NINJ2: variants seen among roughly 807,000 people sequenced by gnomAD.
The protein encoded by NINJ2 is ninjurin 2, also known as ninjurin-2.
A neutral mutation model predicts 11.7 loss-of-function variants in NINJ2; 12 were observed. The ratio of observed to expected loss-of-function variants is 1.02; its 90% confidence interval spans 0.66 to 1.66. The LOEUF (loss-of-function observed/expected upper bound fraction) is 1.66, where lower values mean the gene tolerates loss of function less well. Ranked by LOEUF, NINJ2 falls within the 40% of genes most tolerant of loss-of-function variation. NINJ2 has a pLI of 0.00. For synonymous variants in NINJ2, 93 were observed against 76.8 expected (o/e 1.21, Z -1.10); for missense variants, 187 against 181.8 (o/e 1.03, Z -0.16).
rs192035930 is a variant in NINJ2 at position 573,057 on chromosome 12, G to C, written c.34-6879C>G. 1.7e-3 allele frequency among the ~76,000 whole-genome samples: 177 copies of C among 106,056 alleles called. No homozygotes were observed. In the East Asian group the frequency reaches 0.045, roughly 27 times the overall value. The allele number at this position is 106,056 out of a possible 152,430, so 69.6% of individuals were successfully genotyped here. On this transcript the variant is annotated intron_variant, in intron 1 of 3. Coordinates refer to ENST00000305108, the MANE Select transcript of NINJ2 (RefSeq NM_016533.6). Reference sequence around the variant, plus strand: ...TTTTTTTTTTTTGAGACAGAGTCTCGCTCTGTCGCCTAGGCTGGAGTGCAG... The same window carrying C: ...TTTTTTTTTTTTGAGACAGAGTCTCCCTCTGTCGCCTAGGCTGGAGTGCAG...
intron 1 of NINJ2, among the ~76,000 whole-genome samples, chr12:646,849 C>A (rs1937691373): frequency 6.6e-6 from 1 of 152,162 alleles, no homozygotes; most frequent in African/African-American, 2.4e-5. Flanking sequence ...GTAAACAAAC[C>A]TGCTTCCCTG....
At chr12:606,149 G>T (rs952912424) in intron 1 of NINJ2, among the ~76,000 whole-genome samples, 14 of 152,134 alleles carry the variant, frequency 9.2e-5, no homozygotes, top group African/African-American at 3.4e-4. Context: ...TGGGATTACA[G>T]GCATGAGCCA....
chr12:636,000 C>T (rs1565643932), intron 1 of NINJ2, among the ~76,000 whole-genome samples: 1 of 152,158 alleles, frequency 6.6e-6, no homozygotes, highest in South Asian at 2.1e-4. Context: ...TCGCTTGAGC[C>T]TGGGACGCAG....
intron 1 of NINJ2, among the ~76,000 whole-genome samples, chr12:603,770 C>T (rs1442992449): frequency 6.6e-6 from 1 of 152,088 alleles, no homozygotes; most frequent in Non-Finnish European, 1.5e-5. Context: ...AAGTGATCCT[C>T]CTGCCTCAAC....
intron 1 of NINJ2, among the ~76,000 whole-genome samples, chr12:569,753 T>C (rs969236082): frequency 3.9e-5 from 6 of 152,236 alleles, no homozygotes; most frequent in African/African-American, 1.4e-4. Context: ...TGGTTGGCTT[T>C]TGTTGTTACA....
At chr12:573,908 T>A (rs1342012714) in intron 1 of NINJ2, among the ~76,000 whole-genome samples, 1 of 152,174 alleles carries the variant, frequency 6.6e-6, no homozygotes, top group African/African-American at 2.4e-5. Context: ...CTGTACCTTT[T>A]GAATTTTGAA....
intron 2 of NINJ2, 88 bp from the exon 3 acceptor site, chr12:565,489 A>G (rs1947283318): frequency 7.3e-7 from 1 of 1,373,676 alleles, no homozygotes; most frequent in Non-Finnish European, 1.0e-6. Flanking sequence ...GTTTGGAGAG[A>G]GGGGCCCTTC....
At chr12:596,979 A>C (rs531454886) in intron 1 of NINJ2, among the ~76,000 whole-genome samples, 1 of 152,152 alleles carries the variant, frequency 6.6e-6, no homozygotes, top group Admixed American at 6.6e-5. Context: ...AATAAACATA[A>C]AAAAGTTAAG....
intron 1 of NINJ2, among the ~76,000 whole-genome samples, chr12:611,830 G>A (rs1009628791): frequency 6.6e-6 from 1 of 152,210 alleles, no homozygotes; most frequent in Non-Finnish European, 1.5e-5. Context: ...TCCAGGAAGC[G>A]AGGCCATTAT....
chr12:566,069 A>G lies in NINJ2; in HGVS notation c.143T>C (p.Met48Thr), dbSNP rs1034396277. ...LDVALFMSNAMRLKAVLEQGP... is the reference protein window; with the variant it reads ...LDVALFMSNATRLKAVLEQGP... The stretch of plus-strand genomic sequence containing the variant: ...CTGCTCCAGCACCGCCTTCAGCCGC[A>G]TGGCGTTGGACATGAACAGGGCCAC... The change falls in exon 2 of 4, where the codon ATG becomes ACG. Residue 48 changes from methionine to threonine, a missense_variant. Coordinates refer to ENST00000305108, the MANE Select transcript of NINJ2 (RefSeq NM_016533.6). 4.3e-6 allele frequency: 7 copies of G among 1,614,038 alleles called. No individual in the cohort carries two copies. The Admixed American group carries it at 8.3e-5, about 19-fold the overall frequency.
chr12:587,403 T>C (rs1471402152), intron 1 of NINJ2, among the ~76,000 whole-genome samples: 2 of 152,248 alleles, frequency 1.3e-5, no homozygotes, highest in African/African-American at 2.4e-5. Context: ...TCCACTTTTA[T>C]TGTGCAGGAC....
At chr12:588,810 G>T (rs1947678708) in intron 1 of NINJ2, among the ~76,000 whole-genome samples, 2 of 152,204 alleles carry the variant, frequency 1.3e-5, no homozygotes, top group Non-Finnish European at 2.9e-5. Flanking sequence ...TCACAAATCT[G>T]TGTAATAGAT....
At chr12:634,055 C>G (rs1948314278) in intron 1 of NINJ2, among the ~76,000 whole-genome samples, 1 of 151,996 alleles carries the variant, frequency 6.6e-6, no homozygotes, top group South Asian at 2.1e-4. Context: ...ATTTATTCTT[C>G]TTTAACAAAA....
At position 612,911 on chromosome 12, in the gene NINJ2, C is replaced by T. The variant is rs116790404; in HGVS notation, c.34-46733G>A. 1.0e-3 allele frequency among the ~76,000 whole-genome samples: 154 copies of T among 152,314 alleles called. 2 individuals carry two copies. The highest frequency in any genetic ancestry group is 3.6e-3 in the African/African-American group (151 of 41,570). On this transcript the variant is annotated intron_variant, in intron 1 of 3. Coordinates refer to ENST00000305108, the MANE Select transcript of NINJ2 (RefSeq NM_016533.6). ...GAACTAGGTAGATAGACAGATTGAT[C>T]GCCTGATCGGCTGATTGGTGAATCA...
chr12:583,974 G>A (rs1032249157), intron 1 of NINJ2, among the ~76,000 whole-genome samples: 8 of 152,034 alleles, frequency 5.3e-5, no homozygotes, highest in African/African-American at 1.4e-4. Context: ...ATTAAGCATC[G>A]TCTTGAGGCG....
In NINJ2 at chr12:565,953, T is replaced by G; in HGVS notation, c.259A>C (p.Ile87Leu). ...QVVIGVLLVV[I>L]ARLNLNEVEK... Reference sequence around the variant, plus strand: ...GACTGCAGGCTGGGCTCCTCACCAATGACCACGAGCAGGACACCGATGACC... The same window carrying G: ...GACTGCAGGCTGGGCTCCTCACCAAGGACCACGAGCAGGACACCGATGACC... Residue 87 changes from isoleucine to leucine, a missense_variant, in exon 2 of 4, where the codon ATT becomes CTT. Physicochemically the swap from Ile to Leu is conservative, Grantham distance 5. Transcript: ENST00000305108. 6.2e-7 allele frequency: 1 copy of G among 1,614,076 alleles called. No homozygotes were observed. The highest frequency in any genetic ancestry group is 8.5e-7 in the Non-Finnish European group (1 of 1,179,920).
chr12:630,718 A>G (rs1277708425), intron 1 of NINJ2, among the ~76,000 whole-genome samples: 1 of 152,192 alleles, frequency 6.6e-6, no homozygotes, highest in Non-Finnish European at 1.5e-5. Flanking sequence ...ATCCCCAAAG[A>G]GGGCCAGCCT....
At chr12:662,876 G>A (rs554292844) in intron 1 of NINJ2, among the ~76,000 whole-genome samples, 80 of 152,310 alleles carry the variant, frequency 5.3e-4, no homozygotes, top group Non-Finnish European at 1.0e-3. Flanking sequence ...AGACAGCCGA[G>A]AAACGGCTCA....
At chr12:587,294 C>G (rs1025870619) in intron 1 of NINJ2, among the ~76,000 whole-genome samples, 10 of 152,330 alleles carry the variant, frequency 6.6e-5, no homozygotes, top group African/African-American at 2.4e-4. Context: ...GAAGCAGGCC[C>G]AGGAACCCCT....
Sources: gnomAD v4.1 joint callset for allele counts (sites outside exome capture counted in the v4.1 genomes callset) on GRCh38, gnomAD v4.1.1 for gene constraint, MANE v1.5 for transcripts, NCBI Gene and HGNC (gene_info 2026-07-23, HGNC 2026-07-21) for gene names.